ANK3: variants seen among roughly 807,000 people sequenced by gnomAD.
The protein encoded by ANK3 is ankyrin-3.
ANK3 carries 57 observed loss-of-function variants against 370.9 expected under a neutral mutation model. The observed-to-expected ratio is 0.15, with a 90% CI of 0.12 to 0.19. The LOEUF (loss-of-function observed/expected upper bound fraction) is 0.19. Among genes scored for constraint, ANK3 ranks in the 10% least tolerant of loss-of-function variants. The probability of loss-of-function intolerance (pLI) is 1.00; values close to 1 mark genes in which losing one functional copy is unlikely to be tolerated. For synonymous variants in ANK3, 1,929 were observed against 1,946.3 expected (o/e 0.99, Z 0.23); for missense variants, 4,439 against 5,302.1 (o/e 0.84, Z 5.06).
chr10:60,245,382 T>C (rs1251033924), intron 7 of ANK3, among the ~76,000 whole-genome samples: 1 of 152,204 alleles, frequency 6.6e-6, no homozygotes, highest in Non-Finnish European at 1.5e-5. Context: ...TTTTAAAGTG[T>C]ACAATTCAGT....
At chr10:60,379,717 A>G (rs1393732448) in intron 1 of ANK3, among the ~76,000 whole-genome samples, 1 of 152,140 alleles carries the variant, frequency 6.6e-6, no homozygotes, top group Non-Finnish European at 1.5e-5. Context: ...CTGGAAAGGT[A>G]GGGGAAAGGG....
chr10:60,587,661 A>T (rs1249582228), intron 2 of ANK3, among the ~76,000 whole-genome samples: 4 of 152,234 alleles, frequency 2.6e-5, no homozygotes, highest in Non-Finnish European at 5.9e-5. Flanking sequence ...TACATTTAGC[A>T]TGTTTAAATC....
intron 16 of ANK3, among the ~76,000 whole-genome samples, chr10:60,192,449 T>C (rs1362650515): frequency 1.3e-5 from 2 of 151,114 alleles, no homozygotes; most frequent in African/African-American, 4.8e-5. Context: ...ATATACAATT[T>C]ATGTGCGTGT....
chr10:60,229,819 T>G (rs1565845845), intron 8 of ANK3, among the ~76,000 whole-genome samples: 2 of 152,172 alleles, frequency 1.3e-5, no homozygotes, highest in Admixed American at 6.5e-5. Flanking sequence ...AGGCATTTAA[T>G]ATGCACCAGG....
chr10:60,039,249 G>A (rs2075679841), intron 43 of ANK3, among the ~76,000 whole-genome samples: 1 of 152,192 alleles, frequency 6.6e-6, no homozygotes, highest in Non-Finnish European at 1.5e-5. Context: ...GGGCACTCTT[G>A]CCACTCTTGG....
intron 36 of ANK3, among the ~76,000 whole-genome samples, chr10:60,080,212 C>T (rs561874329): frequency 1.3e-5 from 2 of 152,008 alleles, no homozygotes; most frequent in South Asian, 2.1e-4. Flanking sequence ...TTCATCTGAG[C>T]ATAGATCTAA....
intron 36 of ANK3, among the ~76,000 whole-genome samples, chr10:60,078,999 C>T (rs1394836521): frequency 6.6e-6 from 1 of 152,100 alleles, no homozygotes; most frequent in Admixed American, 6.6e-5. Flanking sequence ...AACTCACCTG[C>T]CTGAAGGGGC....
chr10:60,307,751 A>G (rs2045464437), intron 1 of ANK3, among the ~76,000 whole-genome samples: 1 of 152,134 alleles, frequency 6.6e-6, no homozygotes, highest in South Asian at 2.1e-4. Flanking sequence ...GAGTCCACTT[A>G]CCCATTAGCT....
intron 2 of ANK3, among the ~76,000 whole-genome samples, chr10:60,537,903 T>C (rs1468714193): frequency 6.6e-6 from 1 of 151,958 alleles, no homozygotes; most frequent in African/African-American, 2.4e-5. Flanking sequence ...TTGTGTACAA[T>C]GACTAAAATG....
chr10:60,070,108 T>G lies in ANK3; in HGVS notation c.10773A>C (p.Glu3591Asp), dbSNP rs1234518187. ...GGTTAGGCTCACTAGTTGGGGTACT[T>G]TCATCAGTTGGCGTTCTGGCTGGCG... ...DTTPARTPTD[E>D]STPTSEPNPF... is the part of the protein sequence containing the mutation. Residue 3591 changes from glutamate to aspartate, a missense_variant, in exon 37 of 44, where the codon GAA (glutamate) becomes GAC (aspartate). Around this residue, in one of 13 missense-constraint regions of ANK3, gnomAD observed 1,601 missense variants for 1,731.7 expected, o/e 0.92. Transcript: ENST00000280772. This position sits in a 1 kb window ranked among gnomAD's most constrained non-coding sequence, Gnocchi z 5.7. The G allele has an allele frequency of 4.3e-6, 7 of 1,614,146 alleles. No homozygotes were observed. In the South Asian group the frequency reaches 6.6e-5, roughly 15 times the overall value.
intron 2 of ANK3, among the ~76,000 whole-genome samples, chr10:60,447,319 A>G (rs1019780146): frequency 2.0e-5 from 3 of 152,218 alleles, no homozygotes; most frequent in East Asian, 3.8e-4. Context: ...AAAGTATCCA[A>G]CTGAGGGTGT....
At chr10:60,192,317 G>A (rs891752917) in intron 16 of ANK3, among the ~76,000 whole-genome samples, 25 of 150,144 alleles carry the variant, frequency 1.7e-4, no homozygotes, top group Admixed American at 6.7e-4. Context: ...GTGTATGTGT[G>A]TATATATATA....
chr10:60,563,681 A>G (rs1042685756), intron 2 of ANK3, among the ~76,000 whole-genome samples: 13 of 152,104 alleles, frequency 8.5e-5, no homozygotes, highest in Admixed American at 5.2e-4. Context: ...TTAAGGAAAA[A>G]ATTTCAGTTT....
chr10:60,648,863 TCTGCTC>T (rs113110006), intron 1 of ANK3, among the ~76,000 whole-genome samples: 100,893 of 149,356 alleles, frequency 0.68, 34,234 homozygotes, highest in South Asian at 0.82. Context: ...CCAAGCTGCT[TCTGCTC>T]CTGCTCCTGC....
chr10:60,490,697 T>A (rs549445930), intron 2 of ANK3, among the ~76,000 whole-genome samples: 1 of 152,202 alleles, frequency 6.6e-6, no homozygotes, highest in Non-Finnish European at 1.5e-5. Context: ...TTATTTAGCA[T>A]ACAAACTTGC....
intron 2 of ANK3, among the ~76,000 whole-genome samples, chr10:60,546,100 A>G (rs2133223828): frequency 6.6e-6 from 1 of 152,292 alleles, no homozygotes; most frequent in East Asian, 1.9e-4. Flanking sequence ...CAGTGGCACA[A>G]TCATAGTTCT....
intron 1 of ANK3, among the ~76,000 whole-genome samples, chr10:60,326,803 C>T (rs1004622879): frequency 7.9e-5 from 12 of 152,062 alleles, no homozygotes; most frequent in Non-Finnish European, 1.6e-4. Flanking sequence ...GGGCGGATCA[C>T]GAGGTCAGGC....
chr10:60,043,963 G>GCAAA (rs2076539666), intron 42 of ANK3: 2 of 985,670 alleles, frequency 2.0e-6, no homozygotes, highest in South Asian at 4.7e-5. Flanking sequence ...GTCAAAAGCA[G>GCAAA]CAAACACTTC....
chr10:60,623,052 A>G (rs771181479), intron 1 of ANK3, among the ~76,000 whole-genome samples: 22 of 152,246 alleles, frequency 1.4e-4, no homozygotes, highest in Non-Finnish European at 2.8e-4. Flanking sequence ...ACAACAGAGA[A>G]GCCACCATTT....
Sources: allele counts gnomAD v4.1 joint callset (sites outside exome capture counted in the v4.1 genomes callset), GRCh38; gene constraint gnomAD v4.1.1; regional missense constraint gnomAD v4.1.1; non-coding constraint Gnocchi (gnomAD v3.1); transcripts MANE v1.5; gene names NCBI Gene and HGNC (gene_info 2026-07-23, HGNC 2026-07-21).